IGSF3: variants seen among roughly 807,000 people sequenced by gnomAD.
IGSF3 encodes the protein glu-Trp-Ile EWI motif-containing protein 3.
A neutral mutation model predicts 114.4 loss-of-function variants in IGSF3; 23 were observed. That is an observed-to-expected ratio of 0.20 (90% CI 0.14 to 0.28). The LOEUF (loss-of-function observed/expected upper bound fraction) is 0.28, where lower values mean the gene tolerates loss of function less well. Ranked by LOEUF, IGSF3 falls within the 10% of genes least tolerant of loss-of-function variation. The pLI is 1.00. For synonymous variants in IGSF3, 571 were observed against 645.2 expected, an observed-to-expected ratio of 0.88 and a Z score of 1.74; for missense variants, 1,172 against 1,591.5, an observed-to-expected ratio of 0.74 and a Z score of 4.48.
rs1431796531 is a variant in IGSF3, at chr1:116,593,442, G to A, written c.2030-4338C>T. On this transcript the variant is annotated intron_variant, in intron 7 of 10. Coordinates refer to ENST00000369486, the MANE Select transcript of IGSF3 (RefSeq NM_001007237.3). The surrounding 1 kb of genome is among the most constrained non-coding windows in gnomAD (Gnocchi z 4.5). ...ACAACAGACAGTAATGCTAGAGATA[G>A]AGGCGGCCAGTGGCTGCGGCAGGAG... Among the ~76,000 whole-genome samples, 2 of 152,228 alleles carry A rather than the reference G, an allele frequency of 1.3e-5. No individual in the cohort carries two copies. Among genetic ancestry groups the A allele is most frequent in the Non-Finnish European group, 2.9e-5 (2 of 68,040 alleles).
intron 8 of IGSF3, among the ~76,000 whole-genome samples, chr1:116,586,556 G>A (rs564964299): frequency 2.1e-4 from 32 of 152,260 alleles, no homozygotes; most frequent in South Asian, 2.1e-3. Flanking sequence ...CCATGTTTAC[G>A]GTGTTAAAGT....
rs1250261104 is a variant in IGSF3 at position 116,665,564 on chromosome 1, C to T, written c.43+720G>A. ...CTGGGGTGAAGGTCCTGCATCTGCA[C>T]CTTAAGAGGGGTGTCAAAGGTTCAC... On this transcript the variant is annotated intron_variant, in intron 2 of 10. Coordinates refer to ENST00000369486, the MANE Select transcript of IGSF3 (RefSeq NM_001007237.3). The surrounding 1 kb of genome is among the most constrained non-coding windows in gnomAD (Gnocchi z 4.0). Among the ~76,000 whole-genome samples the T allele has an allele frequency of 6.6e-6, 1 of 152,138 alleles. No individual in the cohort carries two copies. Among genetic ancestry groups the T allele is most frequent in the Non-Finnish European group, 1.5e-5 (1 of 68,012 alleles).
At chr1:116,656,294 T>TTTCATTC (rs1648844640) in intron 2 of IGSF3, among the ~76,000 whole-genome samples, 1 of 9,658 alleles carries the variant, frequency 1.0e-4, no homozygotes, top group African/African-American at 8.2e-4. Flanking sequence ...TTCTACATTC[T>TTTCATTC]TTTTTTTTTT....
At chr1:116,635,072 A>T (rs1647763460) in intron 2 of IGSF3, among the ~76,000 whole-genome samples, 1 of 152,230 alleles carries the variant, frequency 6.6e-6, no homozygotes, top group Admixed American at 6.5e-5. Context: ...AGACTTCATG[A>T]AAGAGAATAA....
At position 116,603,802 on chromosome 1, in the gene IGSF3, C is replaced by T; in HGVS notation, c.1446G>A (p.Gly482=). The part of the protein sequence containing the change: ...GSSYWERSSF[G]GVQMEQVQPN... ...GCTGCACCTGCTCCATCTGGACGCC[C>T]CCAAAGCTGCTGCGCTCCCAGTAGG... Residue 482 remains glycine, a synonymous_variant, in exon 6 of 11, where the codon GGG becomes GGA. Transcript: ENST00000369486. This position sits in a 1 kb window ranked among gnomAD's most constrained non-coding sequence, Gnocchi z 7.1. 6.2e-7 allele frequency: 1 copy of T among 1,614,020 alleles called. No homozygotes were observed. The highest frequency in any genetic ancestry group is 1.1e-5 in the South Asian group (1 of 91,074).
intron 2 of IGSF3, among the ~76,000 whole-genome samples, chr1:116,640,549 C>A (rs1007610012): frequency 2.6e-5 from 4 of 152,182 alleles, no homozygotes; most frequent in African/African-American, 9.7e-5. Context: ...ACTGTATGCA[C>A]CCTTTTGCAT....
Position 116,584,730 on chromosome 1 carries a change from C to T in IGSF3, c.2763G>A (p.Glu921=), listed in dbSNP as rs1226271153. Residue 921 remains glutamate (E), a synonymous_variant, in exon 9 of 11, where the codon GAG becomes GAA. Coordinates refer to ENST00000369486, the MANE Select transcript of IGSF3 (RefSeq NM_001007237.3). This position sits in a 1 kb window ranked among gnomAD's most constrained non-coding sequence, Gnocchi z 5.8. ...TGCCACTGGGGCTGGGCAGCCACTC[C>T]TCCACATGGCAGCTGTAGGTCCCGC... ...QDSGTYSCHV[E]EWLPSPSGMW... is the part of the protein sequence containing the mutation. The T allele has an allele frequency of 6.2e-7, 1 of 1,613,562 alleles. No individual in the cohort carries two copies. Among genetic ancestry groups the T allele is most frequent in the Non-Finnish European group, 8.5e-7 (1 of 1,179,440 alleles).
rs996475920 is a variant in IGSF3 at position 116,593,664 on chromosome 1, C to T, written c.2030-4560G>A. Among the ~76,000 whole-genome samples, 5 of 152,066 alleles carry T rather than the reference C, an allele frequency of 3.3e-5. No individual in the cohort carries two copies. Among genetic ancestry groups the T allele is most frequent in the Non-Finnish European group, 5.9e-5 (4 of 68,028 alleles). Reference sequence around the variant, plus strand: ...TTTGGGCCCTCAATGATCTCTTTCTCAGGCTCTTGTAATTGGCCTGCATAT... The same window carrying T: ...TTTGGGCCCTCAATGATCTCTTTCTTAGGCTCTTGTAATTGGCCTGCATAT... On this transcript the variant is annotated intron_variant, in intron 7 of 10. Transcript: ENST00000369486. The surrounding 1 kb of genome is among the most constrained non-coding windows in gnomAD (Gnocchi z 4.5).
chr1:116,605,395 G>A lies in IGSF3; in HGVS notation c.1223-1370C>T, dbSNP rs371195253. On this transcript the variant is annotated intron_variant, in intron 5 of 10. Coordinates refer to ENST00000369486, the MANE Select transcript of IGSF3 (RefSeq NM_001007237.3). This position sits in a 1 kb window ranked among gnomAD's most constrained non-coding sequence, Gnocchi z 5.1. ...GATGCCTGCTATCCATTCTGGATTT[G>A]CTTGTTTTATGTGAAAAATAAAAGG... Among the ~76,000 whole-genome samples, 39 of 152,098 alleles carry A rather than the reference G, an allele frequency of 2.6e-4. No homozygotes were observed. The South Asian group carries it at 3.5e-3, about 14-fold the overall frequency.
chr1:116,628,294 T>C lies in IGSF3; in HGVS notation c.44-11837A>G, dbSNP rs1396146501. On this transcript the variant is annotated intron_variant, in intron 2 of 10. Transcript: ENST00000369486. The surrounding 1 kb of genome is among the most constrained non-coding windows in gnomAD (Gnocchi z 4.2). ...ACAAAGTTCCTTTACTCAGCCATAG[T>C]TTCTGTGCTCCAAATACTCAGCTTA... is the stretch of plus-strand genomic sequence containing the variant. Among the ~76,000 whole-genome samples, 3 of 152,220 alleles carry C rather than the reference T, an allele frequency of 2.0e-5. No individual in the cohort carries two copies. The highest frequency in any genetic ancestry group is 7.2e-5 in the African/African-American group (3 of 41,460).
Position 116,634,507 on chromosome 1 carries a change from C to T in IGSF3, c.44-18050G>A, listed in dbSNP as rs1446130935. ...CCCTGCCCACATCTCCTCAGTCACT[C>T]GCTGCCTCCTCTCTTGCTTCTCTCC... On this transcript the variant is annotated intron_variant, in intron 2 of 10. Transcript: ENST00000369486. The surrounding 1 kb of genome is among the most constrained non-coding windows in gnomAD (Gnocchi z 4.2). Among the ~76,000 whole-genome samples, 3 of 152,198 alleles carry T rather than the reference C, an allele frequency of 2.0e-5. No homozygotes were observed. The highest frequency in any genetic ancestry group is 1.9e-4 in the East Asian group (1 of 5,192).
chr1:116,648,650 A>C lies in IGSF3; in HGVS notation c.43+17634T>G, dbSNP rs954706518. 6.6e-6 allele frequency among the ~76,000 whole-genome samples: 1 copy of C among 152,196 alleles called. No homozygotes were observed. Among genetic ancestry groups the C allele is most frequent in the Non-Finnish European group, 1.5e-5 (1 of 68,030 alleles). On this transcript the variant is annotated intron_variant, in intron 2 of 10. Coordinates refer to ENST00000369486, the MANE Select transcript of IGSF3 (RefSeq NM_001007237.3). The surrounding 1 kb of genome is among the most constrained non-coding windows in gnomAD (Gnocchi z 4.7). ...TCCGGACTGCTTGCAGAAAAGGCAC[A>C]TTTTGACTCTTCTGAGAGTGGGAAA...
At chr1:116,667,043 G>A (rs554084347) in intron 1 of IGSF3, 87 bp from the exon 2 acceptor site, 1 of 393,078 alleles carries the variant, frequency 2.5e-6, no homozygotes, top group East Asian at 3.7e-5. Flanking sequence ...GGACACCTGG[G>A]TCCGGTTCCT....
Position 116,618,298 on chromosome 1 carries a change from G to A in IGSF3, c.44-1841C>T, listed in dbSNP as rs1424774858. 6.6e-6 allele frequency among the ~76,000 whole-genome samples: 1 copy of A among 152,154 alleles called. No individual in the cohort carries two copies. Among genetic ancestry groups the A allele is most frequent in the African/African-American group, 2.4e-5 (1 of 41,414 alleles). ...TTTATTTGATATATTCTGGTTGATG[G>A]CATTAATTATGATATTTAAAGTAAC... On this transcript the variant is annotated intron_variant, in intron 2 of 10. Coordinates refer to ENST00000369486, the MANE Select transcript of IGSF3 (RefSeq NM_001007237.3). This position sits in a 1 kb window ranked among gnomAD's most constrained non-coding sequence, Gnocchi z 4.7.
rs1660537619 is a variant in IGSF3 at position 116,600,544 on chromosome 1, G to C, written c.1625-199C>G. Among the ~76,000 whole-genome samples the C allele has an allele frequency of 6.6e-6, 1 of 151,686 alleles. No individual in the cohort carries two copies. Among genetic ancestry groups the C allele is most frequent in the Non-Finnish European group, 1.5e-5 (1 of 68,008 alleles). On this transcript the variant is annotated intron_variant, in intron 6 of 10. Transcript: ENST00000369486. The surrounding 1 kb of genome is among the most constrained non-coding windows in gnomAD (Gnocchi z 5.5). ...AGAGTTTCCAAGACTCCAAAGAAAG[G>C]CCCACCACAATTCCCCCTGAGCAGC...
At chr1:116,640,037 C>CAAAAAAAAAAAAAA (rs34003833) in intron 2 of IGSF3, among the ~76,000 whole-genome samples, 1 of 65,290 alleles carries the variant, frequency 1.5e-5, no homozygotes, top group Non-Finnish European at 3.0e-5. Flanking sequence ...GACTCTATCT[C>CAAAAAAAAAAAAAA]AAAAAAAAAA....
rs1660160551 is a variant in IGSF3, at chr1:116,592,550, G to A, written c.2030-3446C>T. 6.6e-6 allele frequency among the ~76,000 whole-genome samples: 1 copy of A among 152,178 alleles called. No individual in the cohort carries two copies. The highest frequency in any genetic ancestry group is 1.5e-5 in the Non-Finnish European group (1 of 68,032). On this transcript the variant is annotated intron_variant, in intron 7 of 10. Coordinates refer to ENST00000369486, the MANE Select transcript of IGSF3 (RefSeq NM_001007237.3). The surrounding 1 kb of genome is among the most constrained non-coding windows in gnomAD (Gnocchi z 4.5). ...GGCTGTTGTGTTTGTTACAGGCCAG[G>A]ATAGGGTGGTTTCAAGGTGAGACAT...
Position 116,603,849 on chromosome 1 carries a change from C to T in IGSF3, c.1399G>A (p.Gly467Ser). ...TAGGACGAGCCTGGCTGCACGGTGC[C>T]ATCCCGGTCTAGCCACATGATATTG... is the stretch of plus-strand genomic sequence containing the variant. ...RSNIMWLDRD[G>S]TVQPGSSYWE... The change falls in exon 6 of 11, where the codon GGC (glycine) becomes AGC (serine). Residue 467 changes from glycine (G) to serine (S), a missense_variant. Gly to Ser is a moderately conservative substitution (Grantham distance 56, BLOSUM62 0). Coordinates refer to ENST00000369486, the MANE Select transcript of IGSF3 (RefSeq NM_001007237.3). The surrounding 1 kb of genome is among the most constrained non-coding windows in gnomAD (Gnocchi z 7.1). The T allele has an allele frequency of 6.2e-7, 1 of 1,614,016 alleles. No individual in the cohort carries two copies. The highest frequency in any genetic ancestry group is 8.5e-7 in the Non-Finnish European group (1 of 1,179,900).
chr1:116,640,930 T>TAA (rs1648063002), intron 2 of IGSF3, among the ~76,000 whole-genome samples: 1 of 152,248 alleles, frequency 6.6e-6, no homozygotes, highest in African/African-American at 2.4e-5. Context: ...AAGGATGAAA[T>TAA]GGTGCCTTCT....
Sources: allele counts gnomAD v4.1 joint callset (sites outside exome capture counted in the v4.1 genomes callset), GRCh38; gene constraint gnomAD v4.1.1; non-coding constraint Gnocchi (gnomAD v3.1); transcripts MANE v1.5; gene names NCBI Gene and HGNC (gene_info 2026-07-23, HGNC 2026-07-21).